NWD1: variants seen among roughly 807,000 people sequenced by gnomAD.
NWD1 encodes the protein NACHT and WD repeat domain containing 1.
Under a neutral mutation model 135.1 loss-of-function variants are expected in NWD1, and 129 were observed. The observed-to-expected ratio is 0.96, with a 90% CI of 0.83 to 1.11. NWD1 has a LOEUF of 1.11. Ranked by LOEUF, NWD1 falls within the 50% of genes least tolerant of loss-of-function variation. The pLI, the probability that NWD1 is intolerant of heterozygous loss-of-function variation, is 0.00. For synonymous variants in NWD1, 773 were observed against 786.0 expected (o/e 0.98, Z 0.28); for missense variants, 1,740 against 1,851.3 (o/e 0.94, Z 1.10).
At position 16,816,919 on chromosome 19, in the gene NWD1, A is replaced by T. The variant is rs1231073038; in HGVS notation, c.*1880A>T. 1.3e-5 allele frequency: 2 copies of T among 152,212 alleles called. No individual in the cohort carries two copies. Among genetic ancestry groups the T allele is most frequent in the Non-Finnish European group, 2.9e-5 (2 of 68,032 alleles). The allele number at this position is 152,212 out of a possible 1,614,324, so 9.4% of individuals were successfully genotyped here. A position where few individuals can be genotyped will look rare whatever the true frequency, so the allele number is the denominator to read the frequency against. ...AATTTTAAGATGTATGCTTGGATGT[A>T]TTGGGCAGCAGCTTCTAAGGTGTTG... On this transcript the variant is annotated 3_prime_UTR_variant, in exon 19 of 19. Transcript: ENST00000524140.
At chr19:16,737,495 G>T (rs1967870881) in intron 4 of NWD1, among the ~76,000 whole-genome samples, 1 of 151,228 alleles carries the variant, frequency 6.6e-6, no homozygotes, top group Non-Finnish European at 1.5e-5. Context: ...AGGCACAAGT[G>T]ATCCTCCCAC....
intron 11 of NWD1, 82 bp from the exon 12 acceptor site, chr19:16,779,261 G>T (rs531618773): frequency 8.1e-6 from 12 of 1,475,148 alleles, no homozygotes; most frequent in Non-Finnish European, 1.1e-5. Flanking sequence ...TCTGTGAAGT[G>T]GGGGGCTCAT....
intron 4 of NWD1, among the ~76,000 whole-genome samples, chr19:16,741,409 A>G (rs1968077136): frequency 7.3e-6 from 1 of 137,764 alleles, no homozygotes; most frequent in South Asian, 2.3e-4. Flanking sequence ...TCTGTCGCCC[A>G]GGCTGGAGTG....
chr19:16,736,589 C>T, intron 3 of NWD1, 45 bp from the exon 4 acceptor site: 1 of 1,222,510 alleles, frequency 8.2e-7, no homozygotes, highest in Non-Finnish European at 1.2e-6. Context: ...AAACAAATCA[C>T]CTGTCATGCC....
chr19:16,736,376 C>A (rs1311293736), intron 3 of NWD1, among the ~76,000 whole-genome samples: 1 of 151,900 alleles, frequency 6.6e-6, no homozygotes, highest in African/African-American at 2.4e-5. Flanking sequence ...ACTACAGGTG[C>A]CCACCACCAT....
intron 12 of NWD1, among the ~76,000 whole-genome samples, chr19:16,787,251 C>T (rs557437100): frequency 1.3e-5 from 2 of 152,160 alleles, no homozygotes; most frequent in Admixed American, 1.3e-4. Context: ...CTCAGCTTCC[C>T]GAGTAGCTAG....
chr19:16,755,641 G>T (rs1488979599), intron 6 of NWD1, among the ~76,000 whole-genome samples: 1 of 152,014 alleles, frequency 6.6e-6, no homozygotes, highest in Non-Finnish European at 1.5e-5. Flanking sequence ...TGCCACCTTG[G>T]CCTCCCAAAG....
At chr19:16,744,138 C>A (rs569359152) in intron 4 of NWD1, among the ~76,000 whole-genome samples, 14 of 152,180 alleles carry the variant, frequency 9.2e-5, no homozygotes, top group Admixed American at 6.5e-4. Context: ...ACAGTAATCC[C>A]AGCACTTTGT....
rs539911912 is a variant in NWD1 at position 16,767,319 on chromosome 19, T to C, written c.2410+2127T>C. On this transcript the variant is annotated intron_variant, in intron 10 of 18. Transcript: ENST00000524140. ...CGAGAGAGAGGGAGCAACTGCCTTA[T>C]AAAACCATCGGACGGCCAGGTGTGG... Among the ~76,000 whole-genome samples, 22 of 151,980 alleles carry C rather than the reference T, an allele frequency of 1.4e-4. No homozygotes were observed. In the East Asian group the frequency reaches 3.3e-3, roughly 23 times the overall value.
intron 12 of NWD1, among the ~76,000 whole-genome samples, chr19:16,787,302 T>C (rs1448144779): frequency 1.3e-5 from 2 of 152,104 alleles, no homozygotes; most frequent in Admixed American, 6.6e-5. Flanking sequence ...AATTATTTTT[T>C]TGCAAGATTA....
chr19:16,724,751 T>C (rs115108193), intron 2 of NWD1, among the ~76,000 whole-genome samples: 3,132 of 152,190 alleles, frequency 0.021, 124 homozygotes, highest in African/African-American at 0.072. Context: ...TGGAGTGTAA[T>C]GGCGCCATCT....
intron 17 of NWD1, 24 bp downstream of exon 17, chr19:16,800,186 A>G: frequency 6.3e-7 from 1 of 1,577,066 alleles, no homozygotes; most frequent in Non-Finnish European, 8.6e-7. Flanking sequence ...AAGTATGGTC[A>G]TTTTTGTGGG....
In NWD1 at chr19:16,778,494, CTT is replaced by C. The variant is rs11307621; in HGVS notation, c.2609-836_2609-835del. Among the ~76,000 whole-genome samples the C allele has an allele frequency of 3.5e-3, 379 of 107,506 alleles. 2 individuals carry two copies. The highest frequency in any genetic ancestry group is 9.1e-3 in the East Asian group (42 of 4,608). 70.5% of individuals were successfully genotyped at this position (107,506 alleles called of 152,430 possible). A position where few individuals can be genotyped will look rare whatever the true frequency, so the allele number is the denominator to read the frequency against. ...TCTTTTCTTTCTTCTTCTTCTTCTT[CTT>C]TTTTTTTTTTTTGTTGTTGTTGTTG... On this transcript the variant is annotated intron_variant, in intron 11 of 18. Coordinates refer to ENST00000524140, the MANE Select transcript of NWD1 (RefSeq NM_001007525.5).
intron 10 of NWD1, among the ~76,000 whole-genome samples, chr19:16,772,539 G>A (rs1029370851): frequency 2.0e-5 from 3 of 152,142 alleles, no homozygotes; most frequent in African/African-American, 7.2e-5. Context: ...CCAGCTATTA[G>A]GGAGGCTGAG....
chr19:16,776,179 T>C (rs1969592963), intron 11 of NWD1, among the ~76,000 whole-genome samples: 2 of 152,184 alleles, frequency 1.3e-5, no homozygotes, highest in Non-Finnish European at 2.9e-5. Flanking sequence ...GGAAATGTTC[T>C]GTGTTTCAGA....
At position 16,735,388 on chromosome 19, in the gene NWD1, C is replaced by A. The variant is rs375683296; in HGVS notation, c.82-1246C>A. ...AGGCGTGGTGGTGCACGCCTGTAAT[C>A]CCAGCTACTCGGGAGGCTGAGGCAG... On this transcript the variant is annotated intron_variant, in intron 3 of 18. Transcript: ENST00000524140. Among the ~76,000 whole-genome samples the A allele has an allele frequency of 7.7e-4, 116 of 150,000 alleles. 4 individuals are homozygous for A. In the South Asian group the frequency reaches 0.024, roughly 31 times the overall value.
At chr19:16,796,097 G>T (rs1419291466) in intron 15 of NWD1, among the ~76,000 whole-genome samples, 1 of 152,122 alleles carries the variant, frequency 6.6e-6, no homozygotes, top group Admixed American at 6.6e-5. Context: ...GCACAGGATG[G>T]GGGAGGGGCA....
chr19:16,790,059 C>T (rs908280075), intron 13 of NWD1, among the ~76,000 whole-genome samples: 1 of 152,156 alleles, frequency 6.6e-6, no homozygotes, highest in African/African-American at 2.4e-5. Flanking sequence ...CTTCTGAAAA[C>T]AATGTCTGTT....
intron 17 of NWD1, among the ~76,000 whole-genome samples, chr19:16,805,446 A>G (rs1970721221): frequency 1.3e-5 from 2 of 152,018 alleles, no homozygotes; most frequent in Non-Finnish European, 1.5e-5. Flanking sequence ...TGCCTGCCTC[A>G]GCCTCCCAAA....
Sources: gnomAD v4.1 joint callset for allele counts (sites outside exome capture counted in the v4.1 genomes callset) on GRCh38, gnomAD v4.1.1 for gene constraint, MANE v1.5 for transcripts, NCBI Gene and HGNC (gene_info 2026-07-23, HGNC 2026-07-21) for gene names.